Variants in EEIG1 observed in about 807,000 individuals in gnomAD.
The protein encoded by EEIG1 is estrogen-induced osteoclastogenesis regulator 1.
At chr9:127,980,587 C>G in the EEIG1 span, 1 of 150,500 alleles carries the variant, frequency 6.6e-6, no homozygotes, top group South Asian at 2.1e-4. Context: ...AGGGCGGCCC[C>G]GCCCCCGCCC....
chr9:127,965,460 G>A, the EEIG1 span, among the ~76,000 whole-genome samples: 5 of 152,182 alleles, frequency 3.3e-5, no homozygotes, highest in African/African-American at 9.7e-5. Flanking sequence ...TCTGACAGGC[G>A]TGTGGAACTC....
At chr9:127,940,588 A>G in the EEIG1 span, 1 of 152,232 alleles carries the variant, frequency 6.6e-6, no homozygotes, top group African/African-American at 2.4e-5. Context: ...AAAAGAAACA[A>G]AAACCGAAAC....
At chr9:127,957,685 C>A in the EEIG1 span, among the ~76,000 whole-genome samples, 1 of 152,180 alleles carries the variant, frequency 6.6e-6, no homozygotes, top group Non-Finnish European at 1.5e-5. Context: ...TAAAAATTCA[C>A]GCTTTTGATT....
the EEIG1 span, among the ~76,000 whole-genome samples, chr9:127,946,911 C>G: frequency 1.3e-5 from 2 of 152,136 alleles, no homozygotes; most frequent in African/African-American, 4.8e-5. Context: ...ACACCTTGTT[C>G]ACTAATCAGC....
chr9:127,980,792 G>T, the EEIG1 span, among the ~76,000 whole-genome samples: 1 of 149,776 alleles, frequency 6.7e-6, no homozygotes, highest in East Asian at 2.0e-4. Flanking sequence ...GGCAGGCACC[G>T]GGCCGGCCCC....
the EEIG1 span, among the ~76,000 whole-genome samples, chr9:127,948,774 C>T: frequency 6.6e-6 from 1 of 152,248 alleles, no homozygotes; most frequent in African/African-American, 2.4e-5. Context: ...TGTGTAAGGA[C>T]CACAGAGCTC....
chr9:127,956,167 C>G, the EEIG1 span, among the ~76,000 whole-genome samples: 1 of 152,326 alleles, frequency 6.6e-6, no homozygotes, highest in Non-Finnish European at 1.5e-5. Context: ...CCTAGTCATG[C>G]TGGCTCCACT....
At chr9:127,944,832 G>A in the EEIG1 span, 2 of 1,612,372 alleles carry the variant, frequency 1.2e-6, no homozygotes, top group Non-Finnish European at 1.7e-6. Flanking sequence ...TCTCCACGAT[G>A]GCATCCGCAT....
the EEIG1 span, among the ~76,000 whole-genome samples, chr9:127,967,547 A>G: frequency 2.6e-5 from 4 of 152,226 alleles, no homozygotes; most frequent in Non-Finnish European, 5.9e-5. Context: ...AGAAGACACA[A>G]TGGGTGTCAC....
chr9:127,960,854 G>A, the EEIG1 span, among the ~76,000 whole-genome samples: 1 of 152,048 alleles, frequency 6.6e-6, no homozygotes, highest in Non-Finnish European at 1.5e-5. Flanking sequence ...GAGCTCACAG[G>A]GTCAGCACTG....
the EEIG1 span, among the ~76,000 whole-genome samples, chr9:127,965,125 A>C: frequency 5.2e-4 from 63 of 120,004 alleles, 1 homozygote; most frequent in Non-Finnish European, 6.4e-4. Context: ...AAAAAAAAAA[A>C]AAAAAAAAAA....
chr9:127,942,127 G>A, the EEIG1 span: 1 of 152,698 alleles, frequency 6.5e-6, no homozygotes, highest in Non-Finnish European at 1.5e-5. Flanking sequence ...TCCAGAGGAA[G>A]GCTGAGGCTT....
chr9:127,963,149 C>T, the EEIG1 span, among the ~76,000 whole-genome samples: 7 of 152,334 alleles, frequency 4.6e-5, no homozygotes, highest in East Asian at 7.7e-4. Context: ...ACTCTTTCTT[C>T]GTTTCTGTCC....
At chr9:127,956,282 AAAG>A in the EEIG1 span, among the ~76,000 whole-genome samples, 9 of 152,226 alleles carry the variant, frequency 5.9e-5, no homozygotes, top group African/African-American at 1.7e-4. Flanking sequence ...GTGGGAGGAG[AAAG>A]AAGAAGACCA....
the EEIG1 span, chr9:127,950,341 C>T: frequency 1.4e-6 from 2 of 1,423,202 alleles, no homozygotes; most frequent in African/African-American, 1.4e-5. Context: ...TTTAACAACC[C>T]TCCTCCAGAG....
At chr9:127,950,573 G>A in the EEIG1 span, 5 of 1,605,456 alleles carry the variant, frequency 3.1e-6, no homozygotes, top group East Asian at 6.7e-5. Context: ...GGAGGGCTGA[G>A]GGAGTGTGGG....
At chr9:127,973,832 G>T in the EEIG1 span, among the ~76,000 whole-genome samples, 2 of 152,042 alleles carry the variant, frequency 1.3e-5, no homozygotes, top group Non-Finnish European at 2.9e-5. The surrounding 1 kb of genome is among the most constrained non-coding windows in gnomAD (Gnocchi z 4.2). Context: ...GCACCCAGGG[G>T]ACCAGGCTGG....
At chr9:127,966,462 C>G in the EEIG1 span, among the ~76,000 whole-genome samples, 2 of 151,806 alleles carry the variant, frequency 1.3e-5, no homozygotes, top group African/African-American at 4.8e-5. Flanking sequence ...AAAAAAAAGC[C>G]CATGCAGGCA....
the EEIG1 span, among the ~76,000 whole-genome samples, chr9:127,965,437 G>GAGA: frequency 2.2e-4 from 34 of 152,340 alleles, no homozygotes; most frequent in Admixed American, 6.5e-4. Context: ...ACCCAGCTAA[G>GAGA]AGACAGTAGC....
Sources: allele counts gnomAD v4.1 joint callset (sites outside exome capture counted in the v4.1 genomes callset), GRCh38; gene constraint gnomAD v4.1.1; non-coding constraint Gnocchi (gnomAD v3.1); transcripts MANE v1.5; gene names NCBI Gene and HGNC (gene_info 2026-07-23, HGNC 2026-07-21).